RARB: variants seen among roughly 807,000 people sequenced by gnomAD.
RARB encodes the protein HBV-activated protein.
In RARB, 17 loss-of-function variants were observed where a neutral mutation model predicts 51.9. The ratio of observed to expected loss-of-function variants is 0.33; its 90% CI spans 0.22 to 0.49. The LOEUF (loss-of-function observed/expected upper bound fraction) is 0.49. Ranked by LOEUF, RARB falls within the 20% of genes least tolerant of loss-of-function variation. The pLI is 0.99. For synonymous variants in RARB, 215 were observed against 195.4 expected (o/e 1.10, Z -0.84); for missense variants, 369 against 550.8 (o/e 0.67, Z 3.30).
At chr3:24,940,687 C>G (rs558152238) in intron 2 of RARB, among the ~76,000 whole-genome samples, 1 of 152,020 alleles carries the variant, frequency 6.6e-6, no homozygotes, top group Non-Finnish European at 1.5e-5. Flanking sequence ...TTAGCACATG[C>G]GGAGGGAAAG....
chr3:25,487,537 A>G (rs545325255), intron 2 of RARB, among the ~76,000 whole-genome samples: 49 of 150,764 alleles, frequency 3.3e-4, no homozygotes, highest in African/African-American at 1.0e-3. Flanking sequence ...ATGATACTCT[A>G]TCCTTCCCCC....
chr3:24,897,665 C>T (rs930974645), intron 2 of RARB, among the ~76,000 whole-genome samples: 7 of 151,484 alleles, frequency 4.6e-5, no homozygotes, highest in Non-Finnish European at 1.0e-4. Context: ...CCTTCCATTC[C>T]TTTTATACTC....
At chr3:25,416,677 A>G (rs961118208) in intron 5 of RARB, among the ~76,000 whole-genome samples, 6 of 152,208 alleles carry the variant, frequency 3.9e-5, no homozygotes, top group Non-Finnish European at 8.8e-5. Flanking sequence ...TTAATGTGCA[A>G]TTGCTGTGCT....
chr3:25,114,349 T>C (rs140760304), intron 3 of RARB, among the ~76,000 whole-genome samples: 164 of 152,302 alleles, frequency 1.1e-3, no homozygotes, highest in Middle Eastern at 3.4e-3. Context: ...GCGTTCATTA[T>C]CCTACCACTG....
At position 25,235,519 on chromosome 3, in the gene RARB, T is replaced by C. The variant is rs141189045; in HGVS notation, c.178+60944T>C. On this transcript the variant is annotated intron_variant, in intron 5 of 11. Coordinates refer to the RARB transcript ENST00000383772. ...AGCAAAGTTGAAAGGTGTTTAGTCT[T>C]CATTATGGTTGAATTTCAACTGCCT... Among the ~76,000 whole-genome samples the C allele has an allele frequency of 2.7e-3, 414 of 152,276 alleles. 2 individuals are homozygous for C. The highest frequency in any genetic ancestry group is 9.6e-3 in the African/African-American group (399 of 41,558).
At chr3:24,948,925 C>T (rs1575086284) in intron 2 of RARB, among the ~76,000 whole-genome samples, 1 of 152,236 alleles carries the variant, frequency 6.6e-6, no homozygotes, top group Middle Eastern at 3.4e-3. Flanking sequence ...GCCTGTAGAA[C>T]CATGACAATT....
chr3:24,987,233 C>T (rs1198437431), intron 2 of RARB, among the ~76,000 whole-genome samples: 1 of 124,874 alleles, frequency 8.0e-6, no homozygotes, highest in Non-Finnish European at 1.7e-5. Context: ...ATCTGTATTT[C>T]AAAATCAACA....
chr3:25,221,631 A>G (rs1317053490), intron 5 of RARB, among the ~76,000 whole-genome samples: 3 of 152,134 alleles, frequency 2.0e-5, no homozygotes, highest in Non-Finnish European at 4.4e-5. Flanking sequence ...TACAACTTGT[A>G]TAATATACCG....
chr3:24,976,427 G>A (rs200705554), intron 2 of RARB, among the ~76,000 whole-genome samples: 61 of 152,146 alleles, frequency 4.0e-4, no homozygotes, highest in South Asian at 4.1e-4. Context: ...CCTCTCCAGC[G>A]TCTGTTGTTT....
At chr3:25,176,293 T>TTTTCTTTCTTTCTTTCTTTCTTTCTTTC (rs758062670) in intron 5 of RARB, among the ~76,000 whole-genome samples, 4 of 64,216 alleles carry the variant, frequency 6.2e-5, no homozygotes, top group Middle Eastern at 7.9e-3. Context: ...TATATTTATC[T>TTTTCTTTCTTTCTTTCTTTCTTTCTTTC]TTTCTTTCTT....
intron 3 of RARB, among the ~76,000 whole-genome samples, chr3:25,562,938 GA>G (rs1254225851): frequency 6.6e-6 from 1 of 152,206 alleles, no homozygotes; most frequent in Non-Finnish European, 1.5e-5. Flanking sequence ...TAACCACAAA[GA>G]AGTATTTGAC....
chr3:24,878,754 T>C (rs1410364995), intron 2 of RARB, among the ~76,000 whole-genome samples: 3 of 152,160 alleles, frequency 2.0e-5, no homozygotes, highest in African/African-American at 4.8e-5. Context: ...ACCACTCCTG[T>C]CGGGTGATCT....
chr3:25,561,455 C>T (rs1480243174), intron 3 of RARB, among the ~76,000 whole-genome samples: 1 of 152,090 alleles, frequency 6.6e-6, no homozygotes, highest in African/African-American at 2.4e-5. Flanking sequence ...TTACTGTTCA[C>T]AGCACCATGG....
At chr3:25,251,993 C>T (rs1373057646) in intron 5 of RARB, among the ~76,000 whole-genome samples, 1 of 151,798 alleles carries the variant, frequency 6.6e-6, no homozygotes, top group Non-Finnish European at 1.5e-5. Flanking sequence ...AGTTTTAGCT[C>T]TTATATTTAA....
At chr3:25,249,526 A>G (rs989255261) in intron 5 of RARB, among the ~76,000 whole-genome samples, 2 of 152,064 alleles carry the variant, frequency 1.3e-5, no homozygotes, top group Non-Finnish European at 1.5e-5. Context: ...GTGTCCTTAC[A>G]TTGATATCTG....
intron 2 of RARB, among the ~76,000 whole-genome samples, chr3:24,860,904 T>C (rs1471675247): frequency 6.6e-6 from 1 of 152,194 alleles, no homozygotes; most frequent in Non-Finnish European, 1.5e-5. Context: ...GTAAACTTGC[T>C]ACTCAGGTTT....
chr3:24,886,393 G>C (rs1575054273), intron 2 of RARB, among the ~76,000 whole-genome samples: 1 of 151,652 alleles, frequency 6.6e-6, no homozygotes, highest in South Asian at 2.1e-4. Context: ...ACCGTTATTG[G>C]AAAGGAAGTT....
At chr3:25,337,859 T>G (rs955781002) in intron 5 of RARB, among the ~76,000 whole-genome samples, 12 of 151,986 alleles carry the variant, frequency 7.9e-5, no homozygotes, top group African/African-American at 2.7e-4. Context: ...CTTAGAAGAG[T>G]AGGTGATTTA....
chr3:25,483,446 A>G (rs1237257283), intron 2 of RARB, among the ~76,000 whole-genome samples: 1 of 152,118 alleles, frequency 6.6e-6, no homozygotes, highest in East Asian at 1.9e-4. Context: ...GAGTGATTCC[A>G]TTTGAGTGAC....
Sources: allele counts gnomAD v4.1 joint callset (sites outside exome capture counted in the v4.1 genomes callset), GRCh38; gene constraint gnomAD v4.1.1; transcripts MANE v1.5; gene names NCBI Gene and HGNC (gene_info 2026-07-23, HGNC 2026-07-21).